Variants in VPS54 observed in about 807,000 individuals in gnomAD.
The protein encoded by VPS54 is vacuolar protein sorting-associated protein 54.
Under a neutral mutation model 121.5 loss-of-function variants are expected in VPS54, and 45 were observed. The observed-to-expected ratio is 0.37, with a 90% CI of 0.29 to 0.47. VPS54 has a LOEUF of 0.47. Ranked by LOEUF, VPS54 falls within the 20% of genes least tolerant of loss-of-function variation. The probability of loss-of-function intolerance (pLI) is 0.99; values close to 1 mark genes in which losing one functional copy is unlikely to be tolerated. For missense variants in VPS54, 1,090 were observed against 1,131.4 expected (o/e 0.96, Z 0.52); for synonymous variants, 371 against 385.8 (o/e 0.96, Z 0.45).
intron 15 of VPS54, among the ~76,000 whole-genome samples, chr2:63,919,118 T>C (rs959687391): frequency 6.6e-6 from 1 of 152,076 alleles, no homozygotes; most frequent in Admixed American, 6.6e-5. Flanking sequence ...TATAGGACTA[T>C]TATAAATAAA....
At chr2:63,915,690 T>A (rs181540756) in intron 16 of VPS54, among the ~76,000 whole-genome samples, 6 of 151,876 alleles carry the variant, frequency 4.0e-5, no homozygotes, top group Admixed American at 3.3e-4. Flanking sequence ...AGGGATGGGA[T>A]TACAGGAAGA....
rs1456494097 is a variant in VPS54 at position 63,999,318 on chromosome 2, A to T, written c.-20-15299T>A. 2.0e-5 allele frequency among the ~76,000 whole-genome samples: 3 copies of T among 152,228 alleles called. No homozygotes were observed. The East Asian group carries it at 5.8e-4, about 29-fold the overall frequency. On this transcript the variant is annotated intron_variant, in intron 1 of 22. Coordinates refer to ENST00000272322, the MANE Select transcript of VPS54 (RefSeq NM_016516.3). Reference sequence around the variant, plus strand: ...ATCCCTTGGCTTTTGTTTGTCTGGGAAAGTCTTTATTTCTCTTTCATGTTT... The same window carrying T: ...ATCCCTTGGCTTTTGTTTGTCTGGGTAAGTCTTTATTTCTCTTTCATGTTT...
rs1678868458 is a variant in VPS54 at position 64,019,347 on chromosome 2, AC to A, written c.-431del. 6.8e-6 allele frequency among the ~76,000 whole-genome samples: 1 copy of A among 146,496 alleles called. No individual in the cohort carries two copies. Among genetic ancestry groups the A allele is most frequent in the Non-Finnish European group, 1.5e-5 (1 of 66,018 alleles). ...GCTCCCGACTCCACTGCTTTCCCTC[AC>A]CCCGCCGGCCCAGCCGGCTCGGCCC... On this transcript the variant is annotated 5_prime_UTR_variant, in exon 1 of 23. Coordinates refer to ENST00000272322, the MANE Select transcript of VPS54 (RefSeq NM_016516.3).
chr2:63,897,094 T>A (rs1672476400), intron 22 of VPS54, among the ~76,000 whole-genome samples: 1 of 152,218 alleles, frequency 6.6e-6, no homozygotes, highest in Non-Finnish European at 1.5e-5. Flanking sequence ...ACATATATTA[T>A]TTTTCATAAC....
chr2:64,018,612 C>G (rs1181311794), intron 1 of VPS54, among the ~76,000 whole-genome samples: 1 of 151,582 alleles, frequency 6.6e-6, no homozygotes, highest in African/African-American at 2.4e-5. Flanking sequence ...TTGGGGGCAG[C>G]GTCTAAGGGG....
rs944580870 is a variant in VPS54 at position 63,994,705 on chromosome 2, G to C, written c.-20-10686C>G. 3.3e-5 allele frequency among the ~76,000 whole-genome samples: 5 copies of C among 152,216 alleles called. 1 individual carries two copies. Among genetic ancestry groups the C allele is most frequent in the African/African-American group, 9.6e-5 (4 of 41,456 alleles). On this transcript the variant is annotated intron_variant, in intron 1 of 22. Coordinates refer to ENST00000272322, the MANE Select transcript of VPS54 (RefSeq NM_016516.3). The stretch of plus-strand genomic sequence containing the variant: ...TCTCCTTTAAGACAAATGAAAGGGG[G>C]AGTAATGGGAGATATCCCATACTTT...
At position 63,940,050 on chromosome 2, in the gene VPS54, CT is replaced by C. The variant is rs1674648977; in HGVS notation, c.1398+2414del. On this transcript the variant is annotated intron_variant, in intron 11 of 22. Transcript: ENST00000272322. Reference sequence around the variant, plus strand: ...GAATTACAGGTGTGAGCCATGGTGCCTGGCCCTGTATCTTGCATTTTTAACT... The same window carrying C: ...GAATTACAGGTGTGAGCCATGGTGCCGGCCCTGTATCTTGCATTTTTAACT... Among the ~76,000 whole-genome samples the C allele has an allele frequency of 2.0e-5, 3 of 152,238 alleles. No individual in the cohort carries two copies. The South Asian group carries it at 6.2e-4, about 32-fold the overall frequency.
At chr2:63,945,325 G>A (rs760334790) in intron 9 of VPS54, among the ~76,000 whole-genome samples, 3 of 152,192 alleles carry the variant, frequency 2.0e-5, no homozygotes, top group Admixed American at 2.0e-4. Flanking sequence ...TCACTTGTAA[G>A]TGGGAGCTAA....
At chr2:63,990,166 C>T (rs1022050382) in intron 1 of VPS54, among the ~76,000 whole-genome samples, 17 of 152,156 alleles carry the variant, frequency 1.1e-4, no homozygotes, top group African/African-American at 4.1e-4. Context: ...TCCTCTCCCG[C>T]ATGGACTTCG....
chr2:63,902,706 A>C (rs1183930579), intron 20 of VPS54, among the ~76,000 whole-genome samples: 10 of 152,134 alleles, frequency 6.6e-5, no homozygotes, highest in Admixed American at 6.6e-4. Context: ...CAGTGGCTCA[A>C]GCCTGTATTC....
At chr2:63,992,229 G>C (rs113541658) in intron 1 of VPS54, among the ~76,000 whole-genome samples, 15 of 152,218 alleles carry the variant, frequency 9.9e-5, no homozygotes, top group South Asian at 2.1e-4. Flanking sequence ...CTCCAGCAGC[G>C]AAAAGGCCGC....
At chr2:63,942,590 A>T in intron 10 of VPS54, 29 bp from the exon 11 acceptor site, 1 of 1,520,872 alleles carries the variant, frequency 6.6e-7, no homozygotes, top group Non-Finnish European at 8.9e-7. Flanking sequence ...AACAAAAATA[A>T]TGATTGTCTC....
chr2:63,957,415 C>G (rs1575956295), intron 7 of VPS54, among the ~76,000 whole-genome samples: 1 of 144,680 alleles, frequency 6.9e-6, no homozygotes, highest in Non-Finnish European at 1.5e-5. Context: ...GCACTCCAGC[C>G]TGGGCAACAG....
At chr2:63,976,888 G>GCACGAT (rs1676561800) in intron 3 of VPS54, among the ~76,000 whole-genome samples, 1 of 140,994 alleles carries the variant, frequency 7.1e-6, no homozygotes, top group Non-Finnish European at 1.5e-5. Context: ...GAGTGCAATG[G>GCACGAT]CACGATCTCA....
intron 1 of VPS54, among the ~76,000 whole-genome samples, chr2:64,010,992 G>A (rs897750360): frequency 2.0e-5 from 3 of 152,026 alleles, no homozygotes; most frequent in Admixed American, 6.6e-5. Context: ...GAATGCATGC[G>A]CTTCCTAAAG....
chr2:63,900,891 T>C (rs540627243), intron 20 of VPS54, among the ~76,000 whole-genome samples: 68 of 152,104 alleles, frequency 4.5e-4, no homozygotes, highest in African/African-American at 1.5e-3. Context: ...GCCTCCCGAG[T>C]AGCTGGGACT....
At chr2:63,896,134 G>C (rs1672436211) in intron 22 of VPS54, among the ~76,000 whole-genome samples, 1 of 152,174 alleles carries the variant, frequency 6.6e-6, no homozygotes, top group Admixed American at 6.5e-5. Context: ...CATCAAGTGA[G>C]AGATATACAC....
chr2:63,925,435 T>A (rs1044920337), intron 12 of VPS54, among the ~76,000 whole-genome samples: 9 of 152,202 alleles, frequency 5.9e-5, no homozygotes, highest in African/African-American at 2.2e-4. Flanking sequence ...GAGGGGAGCA[T>A]AAATGAGTAC....
At chr2:64,015,272 C>A (rs1678628424) in intron 1 of VPS54, among the ~76,000 whole-genome samples, 1 of 152,026 alleles carries the variant, frequency 6.6e-6, no homozygotes, top group African/African-American at 2.4e-5. Flanking sequence ...GTTCTTTTTT[C>A]AGATTTGAAG....
Sources: allele counts gnomAD v4.1 joint callset (sites outside exome capture counted in the v4.1 genomes callset), GRCh38; gene constraint gnomAD v4.1.1; transcripts MANE v1.5; gene names NCBI Gene and HGNC (gene_info 2026-07-23, HGNC 2026-07-21).